CNBD1: variants seen among roughly 807,000 people sequenced by gnomAD.
The protein encoded by CNBD1 is cyclic nucleotide-binding domain-containing protein 1.
A neutral mutation model predicts 54.4 loss-of-function variants in CNBD1; 71 were observed. That is an observed-to-expected ratio of 1.30 (90% CI 1.08 to 1.59). The LOEUF (loss-of-function observed/expected upper bound fraction) is 1.59. Among genes scored for constraint, CNBD1 ranks in the 40% most tolerant of loss-of-function variants. The pLI, the probability that CNBD1 is intolerant of heterozygous loss-of-function variation, is 0.00. For synonymous variants in CNBD1, 182 were observed against 170.7 expected, an observed-to-expected ratio of 1.07 and a Z score of -0.51; for missense variants, 659 against 518.0, an observed-to-expected ratio of 1.27 and a Z score of -2.64.
intron 4 of CNBD1, among the ~76,000 whole-genome samples, chr8:87,062,220 A>G (rs758019452): frequency 1.3e-5 from 2 of 152,204 alleles, no homozygotes; most frequent in Admixed American, 6.5e-5. Context: ...GTTAATTTCA[A>G]TGAATAATTC....
intron 4 of CNBD1, among the ~76,000 whole-genome samples, chr8:86,942,191 G>A (rs1479849782): frequency 6.6e-6 from 1 of 152,168 alleles, no homozygotes; most frequent in African/African-American, 2.4e-5. Context: ...GTAAGTAAAA[G>A]ATCAATGTAT....
intron 4 of CNBD1, among the ~76,000 whole-genome samples, chr8:86,945,325 C>G (rs753608926): frequency 6.6e-6 from 1 of 152,118 alleles, no homozygotes; most frequent in South Asian, 2.1e-4. Flanking sequence ...AATGAGGCAT[C>G]TGAAGATCAT....
chr8:87,219,798 A>G (rs1400332850), intron 5 of CNBD1, among the ~76,000 whole-genome samples: 2 of 152,020 alleles, frequency 1.3e-5, no homozygotes, highest in Non-Finnish European at 2.9e-5. Context: ...AAATAGTCAC[A>G]TGCTTATACA....
chr8:87,188,883 C>G (rs1813540206), intron 4 of CNBD1, among the ~76,000 whole-genome samples: 1 of 137,714 alleles, frequency 7.3e-6, no homozygotes, highest in Non-Finnish European at 1.5e-5. Context: ...TATTGTTTGA[C>G]TTCTGAACCT....
At chr8:87,304,441 A>T (rs571268914) in intron 8 of CNBD1, among the ~76,000 whole-genome samples, 2 of 151,928 alleles carry the variant, frequency 1.3e-5, no homozygotes, top group African/African-American at 2.4e-5. Context: ...AACAATGAGA[A>T]CACATGGACA....
intron 3 of CNBD1, among the ~76,000 whole-genome samples, chr8:86,929,829 A>G (rs1809426225): frequency 6.6e-6 from 1 of 152,152 alleles, no homozygotes; most frequent in Non-Finnish European, 1.5e-5. Context: ...TCCTGCAACT[A>G]TCCGTAAACA....
At chr8:87,062,890 A>C (rs755903053) in intron 4 of CNBD1, among the ~76,000 whole-genome samples, 5 of 152,208 alleles carry the variant, frequency 3.3e-5, no homozygotes, top group Non-Finnish European at 5.9e-5. Flanking sequence ...ATTAAAAAAA[A>C]AGTTAGGATT....
At chr8:87,327,665 G>A (rs921813596) in intron 8 of CNBD1, among the ~76,000 whole-genome samples, 13 of 152,254 alleles carry the variant, frequency 8.5e-5, no homozygotes, top group Non-Finnish European at 1.8e-4. Context: ...TTCGGCTCGT[G>A]CCCGGTGCGC....
chr8:86,941,813 C>T (rs916636569), intron 4 of CNBD1, among the ~76,000 whole-genome samples: 1 of 152,124 alleles, frequency 6.6e-6, no homozygotes, highest in African/African-American at 2.4e-5. Flanking sequence ...TGTGGACCTC[C>T]ATGGATGCTA....
chr8:86,957,075 C>T (rs1050823602), intron 4 of CNBD1, among the ~76,000 whole-genome samples: 1 of 152,310 alleles, frequency 6.6e-6, no homozygotes, highest in East Asian at 1.9e-4. Flanking sequence ...TTTTCTGCAT[C>T]TGTTGAAATA....
intron 4 of CNBD1, among the ~76,000 whole-genome samples, chr8:86,960,548 C>T (rs899490862): frequency 2.0e-5 from 3 of 152,188 alleles, no homozygotes; most frequent in African/African-American, 7.2e-5. Context: ...GTAGACTCCA[C>T]CTCTCGGGGC....
rs112749737 is a variant in CNBD1, at chr8:86,997,038, C to T, written c.431+57284C>T. ...CTCTAGAAAGCCCTACCTTCTAATC[C>T]CATCATCTTGAAGATTAGGTTTTAG... On this transcript the variant is annotated intron_variant, in intron 4 of 10. Coordinates refer to ENST00000518476, the MANE Select transcript of CNBD1 (RefSeq NM_173538.3). 2.9e-3 allele frequency among the ~76,000 whole-genome samples: 436 copies of T among 152,258 alleles called. 1 individual carries two copies. Among genetic ancestry groups the T allele is most frequent in the African/African-American group, 9.8e-3 (408 of 41,556 alleles).
intron 6 of CNBD1, among the ~76,000 whole-genome samples, chr8:87,240,065 A>AACACACAC (rs10608912): frequency 1.4e-4 from 21 of 146,422 alleles, no homozygotes; most frequent in African/African-American, 5.0e-4. Flanking sequence ...TCTGTGCCAA[A>AACACACAC]ACACACACAC....
chr8:87,376,234 A>T, intron 10 of CNBD1, among the ~76,000 whole-genome samples: 1 of 151,998 alleles, frequency 6.6e-6, no homozygotes, highest in African/African-American at 2.4e-5. Flanking sequence ...AGGGCAAGAA[A>T]TCCAAGATCA....
At chr8:86,965,515 C>T (rs953754240) in intron 4 of CNBD1, among the ~76,000 whole-genome samples, 11 of 152,260 alleles carry the variant, frequency 7.2e-5, no homozygotes, top group Non-Finnish European at 1.0e-4. Flanking sequence ...CCATGCTAGT[C>T]ATTTTTAACT....
intron 6 of CNBD1, among the ~76,000 whole-genome samples, chr8:87,266,067 C>T (rs1022846059): frequency 6.6e-6 from 1 of 151,916 alleles, no homozygotes; most frequent in African/African-American, 2.4e-5. Flanking sequence ...TATACATTTT[C>T]TTTGAAAGAT....
At chr8:87,053,531 G>A (rs1002744999) in intron 4 of CNBD1, among the ~76,000 whole-genome samples, 1 of 152,178 alleles carries the variant, frequency 6.6e-6, no homozygotes, top group African/African-American at 2.4e-5. Context: ...AAAGACAGAA[G>A]GGGTGTCCCC....
chr8:87,378,054 C>T (rs1313530157), intron 10 of CNBD1, among the ~76,000 whole-genome samples: 1 of 140,790 alleles, frequency 7.1e-6, no homozygotes, highest in East Asian at 2.0e-4. Flanking sequence ...TGGATATTAG[C>T]CCTTTGTCAG....
At chr8:86,943,503 T>C (rs868503358) in intron 4 of CNBD1, among the ~76,000 whole-genome samples, 58 of 152,164 alleles carry the variant, frequency 3.8e-4, no homozygotes, top group African/African-American at 1.2e-3. Flanking sequence ...TCAGCAGCTC[T>C]GAGTAAATAC....
Sources: allele counts gnomAD v4.1 joint callset (sites outside exome capture counted in the v4.1 genomes callset), GRCh38; gene constraint gnomAD v4.1.1; transcripts MANE v1.5; gene names NCBI Gene and HGNC (gene_info 2026-07-23, HGNC 2026-07-21).